The following VPS37A variants were observed in gnomAD, a reference collection of about 807,000 sequenced individuals.
VPS37A encodes VPS37A subunit of ESCRT-I.
Under a neutral mutation model 49.8 loss-of-function variants are expected in VPS37A, and 30 were observed. The ratio of observed to expected loss-of-function variants is 0.60; its 90% CI spans 0.45 to 0.82. The LOEUF is 0.82. Ranked by LOEUF, VPS37A falls within the 40% of genes least tolerant of loss-of-function variation. VPS37A has a pLI of 0.00. For missense variants in VPS37A, 593 were observed against 464.4 expected (o/e 1.28, Z -2.55); for synonymous variants, 195 against 160.6 (o/e 1.21, Z -1.62).
At chr8:17,255,106 A>T (rs536102991) in intron 1 of VPS37A, among the ~76,000 whole-genome samples, 3 of 152,338 alleles carry the variant, frequency 2.0e-5, no homozygotes, top group African/African-American at 7.2e-5. Context: ...TCCTTGCAGG[A>T]TGCTGGATAT....
intron 11 of VPS37A, among the ~76,000 whole-genome samples, chr8:17,288,078 GT>G (rs1815782072): frequency 6.6e-6 from 1 of 152,102 alleles, no homozygotes. Context: ...TTCCTTAAGG[GT>G]AGGGGCTGAT....
At chr8:17,304,404 T>C (rs942544610), downstream of VPS37A, 3 of 1,613,868 alleles carry the variant, frequency 1.9e-6, no homozygotes, top group Non-Finnish European at 2.5e-6. Context: ...CATGGTGTTG[T>C]AGGGAGATGA....
At chr8:17,302,316 A>AT (rs1285940534), downstream of VPS37A, 2 of 1,583,394 alleles carry the variant, frequency 1.3e-6, no homozygotes, top group Non-Finnish European at 1.7e-6. Flanking sequence ...ATACCACCTT[A>AT]TCACAGTCTG....
chr8:17,271,200 A>G (rs897140505), intron 4 of VPS37A, among the ~76,000 whole-genome samples: 3 of 152,172 alleles, frequency 2.0e-5, no homozygotes, highest in Non-Finnish European at 4.4e-5. Flanking sequence ...TTCCAAGTGC[A>G]TAGTTTTTTC....
chr8:17,250,187 G>A (rs1317697872), intron 1 of VPS37A, among the ~76,000 whole-genome samples: 1 of 152,160 alleles, frequency 6.6e-6, no homozygotes, highest in African/African-American at 2.4e-5. Flanking sequence ...TGGAGAAAGA[G>A]GGGCAGGAGG....
chr8:17,284,497 G>A lies in VPS37A; in HGVS notation c.994G>A (p.Ala332Thr). 1.3e-6 allele frequency: 2 copies of A among 1,594,044 alleles called. No individual in the cohort carries two copies. Among genetic ancestry groups the A allele is most frequent in the South Asian group, 2.3e-5 (2 of 86,872 alleles). ...SESCSASALQ[A>T]RLKVAAHEAE... ...GAGCTGTAGTGCAAGTGCCCTTCAG[G>A]CAAGATTGAAAGTAGCTGCACATGA... Residue 332 changes from alanine to threonine, a missense_variant, in exon 10 of 12, where the codon GCA becomes ACA. Ala to Thr is a moderately conservative substitution (Grantham distance 58, BLOSUM62 0). Transcript: ENST00000324849.
chr8:17,249,309 G>C (rs1004858942), intron 1 of VPS37A, among the ~76,000 whole-genome samples: 2 of 152,206 alleles, frequency 1.3e-5, no homozygotes, highest in African/African-American at 4.8e-5. Context: ...ATTGGCTTAA[G>C]AGGATCAGTA....
At chr8:17,320,597 C>A in the VPS37A span, among the ~76,000 whole-genome samples, 1 of 151,288 alleles carries the variant, frequency 6.6e-6, no homozygotes, top group African/African-American at 2.4e-5. Flanking sequence ...AAAAGTCTTC[C>A]TGTGAATTCA....
the VPS37A span, among the ~76,000 whole-genome samples, chr8:17,329,468 G>A: frequency 1.3e-5 from 2 of 152,284 alleles, no homozygotes; most frequent in African/African-American, 4.8e-5. Context: ...TTAGAAAACA[G>A]TAGTGTCAGA....
chr8:17,282,375 C>T (rs774925739), intron 9 of VPS37A, among the ~76,000 whole-genome samples: 8 of 152,112 alleles, frequency 5.3e-5, no homozygotes, highest in East Asian at 3.9e-4. Context: ...ACTGCTTCAG[C>T]GGAAACCATA....
chr8:17,319,886 CACTT>C, the VPS37A span, among the ~76,000 whole-genome samples: 1 of 152,170 alleles, frequency 6.6e-6, no homozygotes, highest in East Asian at 1.9e-4. Context: ...TGCTTTCTAT[CACTT>C]ACAACAGTGC....
chr8:17,251,557 A>T lies in VPS37A; in HGVS notation c.125+4188A>T, dbSNP rs796259731. On this transcript the variant is annotated intron_variant, in intron 1 of 11. Transcript: ENST00000324849. Reference sequence around the variant, plus strand: ...CCAGCTTATTGTTTGTAGATCTCTCATAAGCTTACCTACAACTTATCTGTC... The same window carrying T: ...CCAGCTTATTGTTTGTAGATCTCTCTTAAGCTTACCTACAACTTATCTGTC... 4.0e-5 allele frequency among the ~76,000 whole-genome samples: 6 copies of T among 151,470 alleles called. No individual in the cohort carries two copies. In the South Asian group the frequency reaches 1.3e-3, roughly 32 times the overall value.
At chr8:17,247,791 A>C in intron 1 of VPS37A, 1 of 702,442 alleles carries the variant, frequency 1.4e-6, no homozygotes, top group Non-Finnish European at 2.6e-6. Flanking sequence ...TGGAAAATAG[A>C]ACTGTTGCAA....
At chr8:17,263,160 G>A (rs866185994) in intron 1 of VPS37A, among the ~76,000 whole-genome samples, 1 of 152,064 alleles carries the variant, frequency 6.6e-6, no homozygotes, top group Admixed American at 6.5e-5. Context: ...GATGTACAGT[G>A]TAATTATATT....
rs2150439641 is a variant in VPS37A, at chr8:17,295,830, T to C, written c.*844T>C. ...CAGTGAACTTTTCTGACCTTTACTG[T>C]GAGTTACCTTTTCCTAAGAGGAAAG... On this transcript the variant is annotated 3_prime_UTR_variant, in exon 12 of 12. Transcript: ENST00000324849. The C allele has an allele frequency of 6.6e-6, 1 of 152,342 alleles. No homozygotes were observed. Among genetic ancestry groups the C allele is most frequent in the South Asian group, 2.1e-4 (1 of 4,830 alleles). 9.4% of individuals were successfully genotyped at this position (152,342 alleles called of 1,614,324 possible). A position where few individuals can be genotyped will look rare whatever the true frequency, so the allele number is the denominator to read the frequency against.
At chr8:17,260,214 T>A (rs1187462307) in intron 1 of VPS37A, among the ~76,000 whole-genome samples, 1 of 152,138 alleles carries the variant, frequency 6.6e-6, no homozygotes, top group Non-Finnish European at 1.5e-5. Context: ...TTATGTTTAG[T>A]GAATCTACTA....
At chr8:17,250,080 A>G (rs1329414020) in intron 1 of VPS37A, among the ~76,000 whole-genome samples, 3 of 152,026 alleles carry the variant, frequency 2.0e-5, no homozygotes, top group Admixed American at 6.6e-5. Context: ...GGCGGAAGGG[A>G]AAGTGACCTT....
At chr8:17,270,698 G>C (rs571613696) in intron 4 of VPS37A, among the ~76,000 whole-genome samples, 6 of 152,212 alleles carry the variant, frequency 3.9e-5, no homozygotes, top group African/African-American at 1.4e-4. Flanking sequence ...CTGGAAATCT[G>C]GTTGTGGCCA....
chr8:17,247,616 A>T (rs1377449661), intron 1 of VPS37A: 1 of 706,246 alleles, frequency 1.4e-6, no homozygotes, highest in East Asian at 2.7e-5. Context: ...CCCTCCTGAC[A>T]CATAGCTGCT....
Sources: allele counts gnomAD v4.1 joint callset (sites outside exome capture counted in the v4.1 genomes callset), GRCh38; gene constraint gnomAD v4.1.1; transcripts MANE v1.5; gene names NCBI Gene and HGNC (gene_info 2026-07-23, HGNC 2026-07-21).